The following NEFH variants were observed in gnomAD, a reference collection of about 807,000 sequenced individuals.
The protein encoded by NEFH is neurofilament heavy polypeptide.
A neutral mutation model predicts 56.6 loss-of-function variants in NEFH; 58 were observed. The ratio of observed to expected loss-of-function variants is 1.03; its 90% CI spans 0.83 to 1.28. The LOEUF is 1.28. NEFH is among the 50% of genes most tolerant of loss of function. The pLI, the probability that NEFH is intolerant of heterozygous loss-of-function variation, is 0.00. For synonymous variants in NEFH, 542 were observed against 545.8 expected (o/e 0.99, Z 0.10); for missense variants, 1,221 against 1,307.6 (o/e 0.93, Z 1.02).
chr22:29,485,710 C>T lies in NEFH; in HGVS notation c.1084-13C>T. 9.9e-6 allele frequency: 16 copies of T among 1,613,100 alleles called. No individual in the cohort carries two copies. The highest frequency in any genetic ancestry group is 1.3e-5 in the Non-Finnish European group (15 of 1,179,550). On this transcript the variant is annotated splice_polypyrimidine_tract_variant and intron_variant, in intron 2 of 3. Coordinates refer to ENST00000310624, the MANE Select transcript of NEFH (RefSeq NM_021076.4). ...CTGGCTGGCATGTGATGTGTGTCAC[C>T]TCTCCTTCCCAGGAAGCCATTCAGC... is the stretch of plus-strand genomic sequence containing the variant.
Position 29,491,113 on chromosome 22 carries a change from C to T in NEFH, c.*410C>T, listed in dbSNP as rs2063079353. The T allele has an allele frequency of 3.0e-6, 1 of 337,388 alleles. No individual in the cohort carries two copies. The highest frequency in any genetic ancestry group is 2.1e-5 in the African/African-American group (1 of 46,570). The allele number at this position is 337,388 out of a possible 1,614,324, so 20.9% of individuals were successfully genotyped here. On this transcript the variant is annotated 3_prime_UTR_variant, in exon 4 of 4. Transcript: ENST00000310624. ...TGCTTGAGATGTCTTAACCTATTCC[C>T]AAATGCCTTCTGTTTTCCAAAGGAG...
In NEFH at chr22:29,480,835, G is replaced by C; in HGVS notation, c.573G>C (p.Gln191His). The C allele has an allele frequency of 1.4e-6, 2 of 1,392,848 alleles. No homozygotes were observed. Among genetic ancestry groups the C allele is most frequent in the Non-Finnish European group, 1.8e-6 (2 of 1,085,568 alleles). The allele number at this position is 1,392,848 out of a possible 1,614,324, so 86.3% of individuals were successfully genotyped here. The change falls in exon 1 of 4, where the codon CAG (glutamine) becomes CAC (histidine). Residue 191 changes from glutamine to histidine, a missense_variant. Gln to His is a conservative substitution (Grantham distance 24). Coordinates refer to ENST00000310624, the MANE Select transcript of NEFH (RefSeq NM_021076.4). ...AGCGCCTAGACGACGAGGCCCGGCA[G>C]CGAGAGGAGGCCGAGGCGGCGGCCC... ...VRQRLDDEARQREEAEAAARA... is the reference protein window; with the variant it reads ...VRQRLDDEARHREEAEAAARA...
At chr22:29,481,885 C>G (rs2063013038) in intron 1 of NEFH, among the ~76,000 whole-genome samples, 1 of 152,206 alleles carries the variant, frequency 6.6e-6, no homozygotes, top group South Asian at 2.1e-4. Context: ...CTGTGCCCAG[C>G]AGCTGCAGGG....
At chr22:29,481,797 G>A (rs909261905) in intron 1 of NEFH, among the ~76,000 whole-genome samples, 2 of 152,152 alleles carry the variant, frequency 1.3e-5, no homozygotes, top group African/African-American at 4.8e-5. Context: ...CTCCTTTAGG[G>A]AAGCTGGGAG....
Position 29,488,855 on chromosome 22 carries a change from C to A in NEFH, c.1215C>A (p.Leu405=), listed in dbSNP as rs770240630. 12 of 1,614,090 alleles carry A rather than the reference C, an allele frequency of 7.4e-6. No homozygotes were observed. In the Admixed American group the frequency reaches 2.0e-4, roughly 27 times the overall value. The change falls in exon 4 of 4, where the codon CTC becomes CTA. Residue 405 remains leucine, a synonymous_variant. Transcript: ENST00000310624. The part of the protein sequence containing the change: ...LDIEIAAYRK[L]LEGEECRIGF... ...TCCGTGATCCATCCTGCAGAAAACT[C>A]CTGGAAGGTGAAGAGTGTCGGATTG...
chr22:29,482,033 TGAGA>T (rs918545488), intron 1 of NEFH, among the ~76,000 whole-genome samples: 3 of 152,318 alleles, frequency 2.0e-5, no homozygotes, highest in South Asian at 2.1e-4. Flanking sequence ...GCGTTGTTTT[TGAGA>T]GAGAGGGCAG....
At chr22:29,483,606 C>T (rs1358443494) in intron 2 of NEFH, 32 bp downstream of exon 2, 1 of 1,607,602 alleles carries the variant, frequency 6.2e-7, no homozygotes, top group Admixed American at 1.7e-5. Flanking sequence ...AGCCAGACTG[C>T]CTTACCTGAT....
rs1418677598 is a variant in NEFH, at chr22:29,480,935, G to T, written c.673G>T (p.Glu225Ter). 2 of 1,528,810 alleles carry T rather than the reference G, an allele frequency of 1.3e-6. No individual in the cohort carries two copies. The highest frequency in any genetic ancestry group is 2.5e-5 in the East Asian group (1 of 40,072). 94.7% of individuals were successfully genotyped at this position (1,528,810 alleles called of 1,614,324 possible). A position where few individuals can be genotyped will look rare whatever the true frequency, so the allele number is the denominator to read the frequency against. Residue 225 changes from glutamate to a stop codon, truncating the protein, a stop_gained, in exon 1 of 4, where the codon GAG (glutamate) becomes TAG (stop). Coordinates refer to ENST00000310624, the MANE Select transcript of NEFH (RefSeq NM_021076.4). LOFTEE classifies it high-confidence loss of function. The stretch of plus-strand genomic sequence containing the variant: ...GCAGAAGAAGGCGCAGGCGCTGCAG[G>T]AGGAGTGCGGCTACCTGCGGCGCCA... ...DLQKKAQALQ[E>*]ECGYLRRHHQ...
At chr22:29,481,536 G>C (rs1226578718) in intron 1 of NEFH, among the ~76,000 whole-genome samples, 1 of 152,148 alleles carries the variant, frequency 6.6e-6, no homozygotes, top group Non-Finnish European at 1.5e-5. Context: ...GCCCTTCTAA[G>C]TAGCAAGGCT....
chr22:29,485,684 A>G (rs755841191), intron 2 of NEFH, 39 bp from the exon 3 acceptor site: 104 of 1,605,850 alleles, frequency 6.5e-5, no homozygotes, highest in Non-Finnish European at 7.9e-5. Flanking sequence ...AGGGCCAGAC[A>G]CTGGCTGGCA....
chr22:29,488,187 AC>A (rs1476396899), intron 3 of NEFH, among the ~76,000 whole-genome samples: 2 of 151,572 alleles, frequency 1.3e-5, no homozygotes. Context: ...ATATGGTGAA[AC>A]CCCCGTCTCT....
chr22:29,489,508 A>C lies in NEFH; in HGVS notation c.1868A>C (p.Lys623Thr), dbSNP rs543405102. The part of the protein sequence containing the change: ...KSPAEAKSPV[K>T]EEAKSPAEVK... ...CCGGCTGAGGCCAAGTCCCCAGTGAAGGAAGAAGCAAAATCTCCAGCTGAG... is the reference window on the plus strand; with the variant it reads ...CCGGCTGAGGCCAAGTCCCCAGTGACGGAAGAAGCAAAATCTCCAGCTGAG... The change falls in exon 4 of 4, where the codon AAG (lysine) becomes ACG (threonine). Residue 623 changes from lysine (K) to threonine (T), a missense_variant. By Grantham distance (78) the Lys-to-Thr change is moderately conservative. Coordinates refer to ENST00000310624, the MANE Select transcript of NEFH (RefSeq NM_021076.4). 2.5e-6 allele frequency: 4 copies of C among 1,599,208 alleles called. No homozygotes were observed. The highest frequency in any genetic ancestry group is 3.4e-6 in the Non-Finnish European group (4 of 1,169,764).
chr22:29,480,604 G>A lies in NEFH; in HGVS notation c.342G>A (p.Lys114=), dbSNP rs1384842017. The A allele has an allele frequency of 1.9e-6, 3 of 1,563,832 alleles. No homozygotes were observed. In the South Asian group the frequency reaches 3.5e-5, roughly 18 times the overall value. Residue 114 remains lysine (K), a synonymous_variant, in exon 1 of 4, where the codon AAG becomes AAA. Coordinates refer to ENST00000310624, the MANE Select transcript of NEFH (RefSeq NM_021076.4). ...ACCGCTTCGCCGGGTACATCGACAA[G>A]GTGCGGCAGCTGGAGGCGCACAACC... ...LNDRFAGYID[K]VRQLEAHNRS... is the part of the protein sequence containing the mutation.
At position 29,480,839 on chromosome 22, in the gene NEFH, G is replaced by A; in HGVS notation, c.577G>A (p.Glu193Lys). 7.2e-7 allele frequency: 1 copy of A among 1,393,202 alleles called. No individual in the cohort carries two copies. The highest frequency in any genetic ancestry group is 9.2e-7 in the Non-Finnish European group (1 of 1,085,998). The allele number at this position is 1,393,202 out of a possible 1,614,324, so 86.3% of individuals were successfully genotyped here. A position where few individuals can be genotyped will look rare whatever the true frequency, so the allele number is the denominator to read the frequency against. The part of the protein sequence containing the change: ...QRLDDEARQR[E>K]EAEAAARALA... ...CCTAGACGACGAGGCCCGGCAGCGA[G>A]AGGAGGCCGAGGCGGCGGCCCGCGC... Residue 193 changes from glutamate to lysine, a missense_variant, in exon 1 of 4, where the codon GAG (glutamate) becomes AAG (lysine). Physicochemically the swap from Glu to Lys is moderately conservative, Grantham distance 56. Around this residue, in one of 4 missense-constraint regions of NEFH, gnomAD observed 640 missense variants for 555.5 expected, o/e 1.15. Transcript: ENST00000310624.
chr22:29,485,918 C>G (rs1187543862), intron 3 of NEFH, 71 bp downstream of exon 3: 66 of 1,576,300 alleles, frequency 4.2e-5, no homozygotes, highest in Non-Finnish European at 5.8e-5. Flanking sequence ...CCTTGGGTTT[C>G]AAGACCCCGT....
chr22:29,482,512 A>C (rs1433528133), intron 1 of NEFH, among the ~76,000 whole-genome samples: 1 of 152,218 alleles, frequency 6.6e-6, no homozygotes, highest in Non-Finnish European at 1.5e-5. Flanking sequence ...AGGTGGAGAA[A>C]GGGACAGGGG....
At chr22:29,483,928 C>A (rs34915139) in intron 2 of NEFH, among the ~76,000 whole-genome samples, 7,299 of 152,048 alleles carry the variant, frequency 0.048, 222 homozygotes, top group Middle Eastern at 0.071. Context: ...CAGCTCACTG[C>A]AACCTCTGCC....
Position 29,480,360 on chromosome 22 carries a change from G to A in NEFH, c.98G>A (p.Gly33Asp). The stretch of plus-strand genomic sequence containing the variant: ...CACTACGCGCTAGCCCGAAAGGGTG[G>A]CGCAGGCGGGACGCGCTCCGCCGCT... ...SLHYALARKG[G>D]AGGTRSAAGS... Residue 33 changes from glycine to aspartate, a missense_variant, in exon 1 of 4, where the codon GGC (glycine) becomes GAC (aspartate). Physicochemically the swap from Gly to Asp is moderately conservative, Grantham distance 94. This residue lies in a region of NEFH where 640 missense variants were observed against 555.5 expected (regional missense o/e 1.15). Coordinates refer to ENST00000310624, the MANE Select transcript of NEFH (RefSeq NM_021076.4). 2.6e-6 allele frequency: 4 copies of A among 1,537,012 alleles called. No homozygotes were observed. Among genetic ancestry groups the A allele is most frequent in the Non-Finnish European group, 3.5e-6 (4 of 1,149,114 alleles).
chr22:29,486,670 A>G (rs1481559863), intron 3 of NEFH, among the ~76,000 whole-genome samples: 13 of 151,802 alleles, frequency 8.6e-5, no homozygotes, highest in Non-Finnish European at 1.9e-4. Context: ...TTACAGGCAC[A>G]TGCCACCACA....
Sources: gnomAD v4.1 joint callset for allele counts (sites outside exome capture counted in the v4.1 genomes callset) on GRCh38, gnomAD v4.1.1 for gene constraint, gnomAD v4.1.1 regional missense constraint, MANE v1.5 for transcripts, NCBI Gene and HGNC (gene_info 2026-07-23, HGNC 2026-07-21) for gene names.